DTNA: variants seen among roughly 807,000 people sequenced by gnomAD.
DTNA encodes the protein dystrophin-related protein 3.
A neutral mutation model predicts 100.7 loss-of-function variants in DTNA; 43 were observed. That is an observed-to-expected ratio of 0.43 (90% CI 0.33 to 0.55). DTNA has a LOEUF of 0.55. Among genes scored for constraint, DTNA ranks in the 20% least tolerant of loss-of-function variants. The pLI is 0.04. For synonymous variants in DTNA, 349 were observed against 347.9 expected, an observed-to-expected ratio of 1.00 and a Z score of -0.04; for missense variants, 798 against 953.9, an observed-to-expected ratio of 0.84 and a Z score of 2.15.
intron 1 of DTNA, among the ~76,000 whole-genome samples, chr18:34,595,895 G>A (rs2050500850): frequency 6.6e-6 from 1 of 152,142 alleles, no homozygotes; most frequent in Admixed American, 6.5e-5. Context: ...GTGACAAGAA[G>A]GCTGCAAATC....
chr18:34,879,420 A>G, intron 19 of DTNA, 131 bp from the exon 20 acceptor site: 1 of 876,656 alleles, frequency 1.1e-6, no homozygotes, highest in Non-Finnish European at 1.8e-6. Context: ...ATAAAAATGT[A>G]TTTGATTAAA....
chr18:34,670,357 A>G (rs570879227), intron 1 of DTNA, among the ~76,000 whole-genome samples: 3 of 152,178 alleles, frequency 2.0e-5, no homozygotes, highest in East Asian at 1.9e-4. Flanking sequence ...CTTCTTTACA[A>G]TGGGTTTGAA....
intron 1 of DTNA, among the ~76,000 whole-genome samples, chr18:34,535,574 A>G (rs956389760): frequency 6.6e-6 from 1 of 152,046 alleles, no homozygotes; most frequent in African/African-American, 2.4e-5. Flanking sequence ...GCCCATGCCT[A>G]TGTCCTGAGT....
intron 1 of DTNA, among the ~76,000 whole-genome samples, chr18:34,700,245 T>C (rs1319230661): frequency 1.3e-5 from 2 of 152,092 alleles, no homozygotes; most frequent in Admixed American, 1.3e-4. Flanking sequence ...TCCAGAAAAA[T>C]ATTCCTCCAT....
At chr18:34,495,691 T>A (rs2039115653) in intron 1 of DTNA, among the ~76,000 whole-genome samples, 1 of 152,236 alleles carries the variant, frequency 6.6e-6, no homozygotes, top group Admixed American at 6.5e-5. Flanking sequence ...TCATGTCATT[T>A]AGCCAATTGT....
chr18:34,833,774 G>T lies in DTNA; in HGVS notation c.1175+4285G>T, dbSNP rs73418639. Among the ~76,000 whole-genome samples the T allele has an allele frequency of 2.8e-3, 425 of 152,320 alleles. 2 individuals carry two copies. Among genetic ancestry groups the T allele is most frequent in the African/African-American group, 9.9e-3 (411 of 41,574 alleles). On this transcript the variant is annotated intron_variant, in intron 11 of 22. Transcript: ENST00000444659. ...TAGTCTTGCTTCTCTTTGAAACTCA[G>T]ATTAGAAAAGGTGTATCCCATGGTC...
chr18:34,742,355 C>T (rs188967343), intron 1 of DTNA, among the ~76,000 whole-genome samples: 274 of 152,166 alleles, frequency 1.8e-3, no homozygotes, highest in Admixed American at 4.6e-3. Context: ...GGGCTGCGTT[C>T]CTTCTGGAAG....
At chr18:34,803,898 A>C (rs1602324891) in intron 4 of DTNA, among the ~76,000 whole-genome samples, 1 of 152,216 alleles carries the variant, frequency 6.6e-6, no homozygotes, top group Non-Finnish European at 1.5e-5. Flanking sequence ...TCTTAATATA[A>C]GAAATGTATT....
At chr18:34,662,279 A>G (rs2075306680) in intron 1 of DTNA, among the ~76,000 whole-genome samples, 2 of 152,254 alleles carry the variant, frequency 1.3e-5, no homozygotes, top group South Asian at 4.1e-4. Flanking sequence ...ATGCAGGCAC[A>G]ATGTGACTGG....
chr18:34,690,378 C>G (rs189194955), intron 1 of DTNA, among the ~76,000 whole-genome samples: 265 of 152,328 alleles, frequency 1.7e-3, no homozygotes, highest in African/African-American at 6.1e-3. Flanking sequence ...CTTCCCTTGG[C>G]TAGGGGAGGG....
rs2096804772 is a variant in DTNA at position 34,875,390 on chromosome 18, T to G, written c.1895T>G (p.Phe632Cys). ...GTAGGGGGAGATGTACAAGAGGCAT[T>G]TGCACAAAGTAAGTGGCTTTATTTT... ...TGVGGDVQEA[F>C]AQSSRRNLRN... Residue 632 changes from phenylalanine to cysteine, a missense_variant, in exon 18 of 23, where the codon TTT becomes TGT. Phe to Cys is a radical substitution (Grantham distance 205, BLOSUM62 -2). Transcript: ENST00000444659. 4 of 1,614,188 alleles carry G rather than the reference T, an allele frequency of 2.5e-6. No homozygotes were observed. The South Asian group carries it at 3.3e-5, about 13-fold the overall frequency.
chr18:34,562,660 A>AT (rs2046742288), intron 1 of DTNA, among the ~76,000 whole-genome samples: 1 of 152,160 alleles, frequency 6.6e-6, no homozygotes, highest in African/African-American at 2.4e-5. Context: ...TCAAAGTGTG[A>AT]TCCCCTGGGC....
chr18:34,689,194 G>T (rs983185631), intron 1 of DTNA, among the ~76,000 whole-genome samples: 1 of 152,118 alleles, frequency 6.6e-6, no homozygotes, highest in Non-Finnish European at 1.5e-5. Flanking sequence ...TTGCTGGCGA[G>T]GAATTGTGAT....
chr18:34,738,232 G>C (rs377713755), intron 1 of DTNA, among the ~76,000 whole-genome samples: 1 of 152,268 alleles, frequency 6.6e-6, no homozygotes, highest in Non-Finnish European at 1.5e-5. Context: ...GCAGTAGGAA[G>C]TCCATCCTGC....
intron 17 of DTNA, chr18:34,866,739 T>G: frequency 1.0e-6 from 1 of 989,722 alleles, no homozygotes; most frequent in Non-Finnish European, 1.2e-6. Context: ...ACTATTCACG[T>G]CCCATCTTTT....
intron 1 of DTNA, among the ~76,000 whole-genome samples, chr18:34,715,044 C>G (rs1234966272): frequency 1.8e-5 from 2 of 108,614 alleles, no homozygotes; most frequent in Non-Finnish European, 3.5e-5. Flanking sequence ...ATATCACACT[C>G]TGGGGACTGT....
intron 6 of DTNA, among the ~76,000 whole-genome samples, chr18:34,813,564 G>A (rs1229994307): frequency 6.6e-6 from 1 of 151,334 alleles, no homozygotes; most frequent in African/African-American, 2.4e-5. Context: ...ACTTTTAAAA[G>A]TGTCAATAGG....
chr18:34,768,158 A>G (rs946906712), intron 3 of DTNA, among the ~76,000 whole-genome samples: 5 of 152,144 alleles, frequency 3.3e-5, no homozygotes, highest in Non-Finnish European at 5.9e-5. Context: ...TACCACTACA[A>G]TGGCCTCAGA....
At chr18:34,660,873 A>G (rs1005186763) in intron 1 of DTNA, among the ~76,000 whole-genome samples, 5 of 152,096 alleles carry the variant, frequency 3.3e-5, no homozygotes, top group African/African-American at 1.2e-4. Context: ...TACATCTTAC[A>G]TGTATTGATT....
Sources: allele counts gnomAD v4.1 joint callset (sites outside exome capture counted in the v4.1 genomes callset), GRCh38; gene constraint gnomAD v4.1.1; transcripts MANE v1.5; gene names NCBI Gene and HGNC (gene_info 2026-07-23, HGNC 2026-07-21).